UNC79: variants seen among roughly 807,000 people sequenced by gnomAD.
UNC79 encodes the protein protein unc-79 homolog.
In UNC79, 37 loss-of-function variants were observed where a neutral mutation model predicts 283.1. The observed-to-expected ratio is 0.13, with a 90% CI of 0.10 to 0.17. The LOEUF (loss-of-function observed/expected upper bound fraction) is 0.17, where lower values mean the gene tolerates loss of function less well. Ranked by LOEUF, UNC79 falls within the 10% of genes least tolerant of loss-of-function variation. The pLI is 1.00. For missense variants in UNC79, 2,272 were observed against 3,211.1 expected (o/e 0.71, Z 7.07); for synonymous variants, 1,107 against 1,200.2 (o/e 0.92, Z 1.61).
chr14:93,554,494 C>T (rs1484960469), intron 14 of UNC79, among the ~76,000 whole-genome samples: 1 of 152,094 alleles, frequency 6.6e-6, no homozygotes, highest in African/African-American at 2.4e-5. Context: ...ATGAAGCTAT[C>T]TAATTTTAAC....
Position 93,686,686 on chromosome 14 carries a change from C to T in UNC79, c.6909+25C>T, listed in dbSNP as rs775872122. The T allele has an allele frequency of 6.8e-6, 11 of 1,612,892 alleles. No homozygotes were observed. In the African/African-American group the frequency reaches 1.5e-4, roughly 22 times the overall value. On this transcript the variant is annotated intron_variant, in intron 43 of 48. Transcript: ENST00000555664. ...GGTGAGATGACCGCCACCTGCTCATCCCTCAGGTTCACAAAACAGAGATGC... is the reference window on the plus strand; with the variant it reads ...GGTGAGATGACCGCCACCTGCTCATTCCTCAGGTTCACAAAACAGAGATGC...
At chr14:93,583,309 ACT>A (rs2063950320) in intron 20 of UNC79, among the ~76,000 whole-genome samples, 1 of 147,180 alleles carries the variant, frequency 6.8e-6, no homozygotes, top group South Asian at 2.2e-4. Context: ...CAAGAGTGAA[ACT>A]CTGCTCAAAA....
intron 1 of UNC79, among the ~76,000 whole-genome samples, chr14:93,421,160 A>G (rs1265547914): frequency 2.6e-5 from 4 of 151,840 alleles, no homozygotes; most frequent in South Asian, 4.3e-4. Context: ...TCAATGAAAC[A>G]AAAATTTGGC....
intron 10 of UNC79, 67 bp downstream of exon 10, chr14:93,529,393 C>A: frequency 6.5e-7 from 1 of 1,535,266 alleles, no homozygotes; most frequent in Non-Finnish European, 8.9e-7. Context: ...GCTTTATCTC[C>A]TTTTGTACTA....
At chr14:93,439,192 C>G (rs1473452853) in intron 1 of UNC79, among the ~76,000 whole-genome samples, 1 of 151,862 alleles carries the variant, frequency 6.6e-6, no homozygotes, top group Non-Finnish European at 1.5e-5. Flanking sequence ...ATTTTTATGC[C>G]TCTAATTGCT....
At chr14:93,582,510 C>G (rs752068810) in intron 20 of UNC79, among the ~76,000 whole-genome samples, 166 bp downstream of exon 20, 1 of 152,118 alleles carries the variant, frequency 6.6e-6, no homozygotes, top group African/African-American at 2.4e-5. Context: ...TGAACAGATC[C>G]GTTACAGTTC....
chr14:93,656,497 A>T (rs1360460572), intron 38 of UNC79, among the ~76,000 whole-genome samples: 1 of 151,610 alleles, frequency 6.6e-6, no homozygotes, highest in Non-Finnish European at 1.5e-5. Context: ...TCTGTCTCTT[A>T]AAAAAAATTA....
At chr14:93,383,682 G>C (rs2054710040) in intron 1 of UNC79, among the ~76,000 whole-genome samples, 1 of 152,072 alleles carries the variant, frequency 6.6e-6, no homozygotes, top group Non-Finnish European at 1.5e-5. Context: ...GGCTGGGTTG[G>C]CTGTGGCAAG....
chr14:93,543,745 T>G, intron 14 of UNC79, among the ~76,000 whole-genome samples: 1 of 152,204 alleles, frequency 6.6e-6, no homozygotes, highest in Admixed American at 6.5e-5. Context: ...GGCAGTAATA[T>G]GTGAAATTTT....
rs532667528 is a variant in UNC79 at position 93,339,595 on chromosome 14, G to A, written c.-351+6072G>A. 4.6e-5 allele frequency among the ~76,000 whole-genome samples: 7 copies of A among 152,298 alleles called. 1 individual carries two copies. The highest frequency in any genetic ancestry group is 2.1e-4 in the South Asian group (1 of 4,818). On this transcript the variant is annotated intron_variant, in intron 1 of 49. Transcript: ENST00000256339. ...ATTACAGGCGTGAGCCACTGCGCCC[G>A]GCCTAGATGGCCATTTTAACAGATA... is the stretch of plus-strand genomic sequence containing the variant.
chr14:93,560,850 G>A (rs529593324), intron 14 of UNC79, among the ~76,000 whole-genome samples: 15 of 152,106 alleles, frequency 9.9e-5, no homozygotes, highest in Admixed American at 2.0e-4. Context: ...CAGCTAGGGC[G>A]GCAGCCGTCA....
chr14:93,353,605 A>G (rs964843287), intron 1 of UNC79, among the ~76,000 whole-genome samples: 7 of 152,196 alleles, frequency 4.6e-5, no homozygotes, highest in African/African-American at 1.7e-4. Context: ...TTCTCCTGAA[A>G]TCCAGATAAT....
At chr14:93,402,655 T>TA (rs1245301613) in intron 1 of UNC79, among the ~76,000 whole-genome samples, 1 of 152,030 alleles carries the variant, frequency 6.6e-6, no homozygotes, top group South Asian at 2.1e-4. Flanking sequence ...AGATAAGAAA[T>TA]ATGAACAAGC....
intron 2 of UNC79, among the ~76,000 whole-genome samples, chr14:93,468,887 T>G (rs937628852): frequency 6.6e-6 from 1 of 152,242 alleles, no homozygotes; most frequent in Non-Finnish European, 1.5e-5. Context: ...ATATTTTCCT[T>G]CTTCTCAAAT....
At chr14:93,402,089 C>T (rs1428915500) in intron 1 of UNC79, among the ~76,000 whole-genome samples, 2 of 151,918 alleles carry the variant, frequency 1.3e-5, no homozygotes, top group Non-Finnish European at 2.9e-5. Flanking sequence ...ATCAGCCTAG[C>T]CAGCATGGTG....
At chr14:93,587,827 T>C (rs531424597) in intron 22 of UNC79, among the ~76,000 whole-genome samples, 4 of 152,214 alleles carry the variant, frequency 2.6e-5, no homozygotes, top group Non-Finnish European at 5.9e-5. Flanking sequence ...GGGAATGTGA[T>C]AAATGACTGC....
At chr14:93,379,374 G>A (rs186785059) in intron 1 of UNC79, among the ~76,000 whole-genome samples, 407 of 152,204 alleles carry the variant, frequency 2.7e-3, no homozygotes, top group African/African-American at 9.3e-3. Flanking sequence ...GCAGGATTTG[G>A]TAAATATGAA....
intron 1 of UNC79, among the ~76,000 whole-genome samples, chr14:93,415,752 G>A (rs2055439616): frequency 6.6e-6 from 1 of 150,610 alleles, no homozygotes; most frequent in East Asian, 1.9e-4. Flanking sequence ...GTCTTGGGAG[G>A]GTGTATGTGT....
At chr14:93,351,059 C>G (rs1476697705) in intron 1 of UNC79, among the ~76,000 whole-genome samples, 1 of 150,022 alleles carries the variant, frequency 6.7e-6, no homozygotes, top group Non-Finnish European at 1.5e-5. Flanking sequence ...AATTCATGTA[C>G]TCTTTTCAAC....
Sources: gnomAD v4.1 joint callset for allele counts (sites outside exome capture counted in the v4.1 genomes callset) on GRCh38, gnomAD v4.1.1 for gene constraint, MANE v1.5 for transcripts, NCBI Gene and HGNC (gene_info 2026-07-23, HGNC 2026-07-21) for gene names.